RBBP6: variants seen among roughly 807,000 people sequenced by gnomAD.
RBBP6 encodes E3 ubiquitin-protein ligase RBBP6.
In RBBP6, 25 loss-of-function variants were observed where a neutral mutation model predicts 167.7. That is an observed-to-expected ratio of 0.15 (90% CI 0.11 to 0.21). The LOEUF is 0.21. Ranked by LOEUF, RBBP6 falls within the 10% of genes least tolerant of loss-of-function variation. The pLI is 1.00. For missense variants in RBBP6, 1,868 were observed against 2,134.2 expected (o/e 0.88, Z 2.46); for synonymous variants, 789 against 735.8 (o/e 1.07, Z -1.17).
rs1465290430 is a variant in RBBP6 at position 24,563,292 on chromosome 16, G to A, written c.1383G>A (p.Glu461=). ...TTGCAATTACCGCTCTTATGGAAGA[G>A]AAGGTAAATTTTACTGGTGCTTTAA... ...SSIAITALME[E]KGYQVPVLGT... Residue 461 remains glutamate (E), a synonymous_variant, in exon 11 of 18, where the codon GAG becomes GAA. Coordinates refer to ENST00000319715, the MANE Select transcript of RBBP6 (RefSeq NM_006910.5). 6.2e-7 allele frequency: 1 copy of A among 1,607,038 alleles called. No homozygotes were observed. Among genetic ancestry groups the A allele is most frequent in the East Asian group, 2.2e-5 (1 of 44,710 alleles).
In RBBP6 at chr16:24,572,702, T is replaced by C. The variant is rs1305225729; in HGVS notation, c.*257T>C. ...TTTAACCACCATTAATTAGTTGGGG[T>C]GGAGTTTACTGTAATGTGAAATTTT... is the stretch of plus-strand genomic sequence containing the variant. On this transcript the variant is annotated 3_prime_UTR_variant, in exon 18 of 18. Transcript: ENST00000319715. The C allele has an allele frequency of 5.7e-6, 2 of 353,866 alleles. No individual in the cohort carries two copies. The highest frequency in any genetic ancestry group is 4.2e-5 in the African/African-American group (2 of 47,144). The allele number at this position is 353,866 out of a possible 1,614,324, so 21.9% of individuals were successfully genotyped here.
In RBBP6 at chr16:24,540,298, C is replaced by CAAT; in HGVS notation, c.-328_-326dup. ...GACTGACCGCTACTGACTGCACCGC[C>CAAT]AATCCCCCCGTCTCTGCCGGCCCCT... On this transcript the variant is annotated 5_prime_UTR_variant, in exon 1 of 18. Coordinates refer to ENST00000319715, the MANE Select transcript of RBBP6 (RefSeq NM_006910.5). The CAAT allele has an allele frequency of 4.1e-6, 1 of 241,644 alleles. No homozygotes were observed. The highest frequency in any genetic ancestry group is 8.2e-6 in the Non-Finnish European group (1 of 121,734). The allele number at this position is 241,644 out of a possible 1,614,324, so 15.0% of individuals were successfully genotyped here. A position where few individuals can be genotyped will look rare whatever the true frequency, so the allele number is the denominator to read the frequency against.
At chr16:24,541,589 C>T (rs1462015326) in intron 1 of RBBP6, among the ~76,000 whole-genome samples, 1 of 152,110 alleles carries the variant, frequency 6.6e-6, no homozygotes, top group Non-Finnish European at 1.5e-5. Flanking sequence ...AGGCTGCTAC[C>T]ATAGAGTACA....
At position 24,564,683 on chromosome 16, in the gene RBBP6, TAGGAAA is replaced by T. The variant is rs1010871034; in HGVS notation, c.1521-112_1521-107del. 3 of 1,318,808 alleles carry T rather than the reference TAGGAAA, an allele frequency of 2.3e-6. No homozygotes were observed. In the Admixed American group the frequency reaches 9.3e-5, roughly 41 times the overall value. 81.7% of individuals were successfully genotyped at this position (1,318,808 alleles called of 1,614,324 possible). A position where few individuals can be genotyped will look rare whatever the true frequency, so the allele number is the denominator to read the frequency against. On this transcript the variant is annotated intron_variant, in intron 13 of 17. Transcript: ENST00000319715. ...CGAAACAAATTTAAGAACTGGGGAGTAGGAAAAAGTTTTCAGAGTAGTTAAAATTGG... is the reference window on the plus strand; with the variant it reads ...CGAAACAAATTTAAGAACTGGGGAGTAAGTTTTCAGAGTAGTTAAAATTGG...
intron 7 of RBBP6, 131 bp from the exon 8 acceptor site, chr16:24,559,374 A>G: frequency 1.7e-6 from 1 of 593,164 alleles, no homozygotes; most frequent in East Asian, 3.2e-5. Flanking sequence ...TTATTTTAGA[A>G]GATATGGTGC....
rs1434876227 is a variant in RBBP6 at position 24,569,323 on chromosome 16, G to T, written c.2633G>T (p.Gly878Val). 3 of 1,612,982 alleles carry T rather than the reference G, an allele frequency of 1.9e-6. No homozygotes were observed. The Admixed American group carries it at 5.0e-5, about 27-fold the overall frequency. ...LNIRNSPFTR[G>V]RREDYVGGQS... ...ATCAGGAATTCTCCCTTCACAAGAG[G>T]CCGCAGAGAAGACTATGTTGGTGGG... is the stretch of plus-strand genomic sequence containing the variant. The change falls in exon 17 of 18, where the codon GGC becomes GTC. Residue 878 changes from glycine to valine, a missense_variant. Gly to Val is a moderately radical substitution (Grantham distance 109). Coordinates refer to ENST00000319715, the MANE Select transcript of RBBP6 (RefSeq NM_006910.5).
At position 24,571,669 on chromosome 16, in the gene RBBP6, A is replaced by G. The variant is rs1482033615; in HGVS notation, c.4603A>G (p.Ser1535Gly). 1 of 1,613,926 alleles carries G rather than the reference A, an allele frequency of 6.2e-7. No homozygotes were observed. ...AGGAGATTCCAAAAAAAGTAATTCT[A>G]GTCCCTCAAGAGACAGAAAACCTCA... Reference protein sequence around the residue: ...GTGDSKKSNSSPSRDRKPHDH... With the variant: ...GTGDSKKSNSGPSRDRKPHDH... Residue 1535 changes from serine to glycine, a missense_variant, in exon 18 of 18, where the codon AGT becomes GGT. By Grantham distance (56) the Ser-to-Gly change is moderately conservative. Around this residue, in one of 7 missense-constraint regions of RBBP6, gnomAD observed 591 missense variants for 540.5 expected, o/e 1.09. Coordinates refer to ENST00000319715, the MANE Select transcript of RBBP6 (RefSeq NM_006910.5).
intron 10 of RBBP6, among the ~76,000 whole-genome samples, 194 bp from the exon 11 acceptor site, chr16:24,563,005 T>A (rs1899103617): frequency 1.3e-5 from 2 of 152,158 alleles, no homozygotes. Context: ...AGGTCCTTCA[T>A]TTTACTTTTC....
At chr16:24,565,251 A>G (rs756285171) in intron 14 of RBBP6, among the ~76,000 whole-genome samples, 39 of 152,300 alleles carry the variant, frequency 2.6e-4, no homozygotes, top group Non-Finnish European at 4.6e-4. Flanking sequence ...AAGAATTGCA[A>G]CTATTTCTCT....
At chr16:24,553,371 C>A in intron 3 of RBBP6, 142 bp from the exon 4 acceptor site, 1 of 608,408 alleles carries the variant, frequency 1.6e-6, no homozygotes, top group South Asian at 2.6e-5. Flanking sequence ...GTAGGCTGAG[C>A]TACATTTTCA....
At chr16:24,560,108 TTTG>T (rs568120225) in intron 8 of RBBP6, among the ~76,000 whole-genome samples, 26,109 of 139,026 alleles carry the variant, frequency 0.19, 2,443 homozygotes, top group Admixed American at 0.26. Flanking sequence ...GTAGACAGTT[TTTG>T]TTTTTTTTTT....
At position 24,561,955 on chromosome 16, in the gene RBBP6, G is replaced by A. The variant is rs765609362; in HGVS notation, c.1083G>A (p.Pro361=). The A allele has an allele frequency of 3.3e-5, 53 of 1,612,024 alleles. No individual in the cohort carries two copies. The highest frequency in any genetic ancestry group is 8.1e-5 in the African/African-American group (6 of 74,392). Residue 361 remains proline, a synonymous_variant, in exon 10 of 18, where the codon CCG becomes CCA. Transcript: ENST00000319715. The part of the protein sequence containing the change: ...QRNLQPLMRS[P]ISRQQDPLMI... ...ACCTACAACCTCTGATGAGATCTCC[G>A]ATATCAAGACAACAAGATCCTCTTA...
At chr16:24,551,645 G>C (rs888239054) in intron 3 of RBBP6, among the ~76,000 whole-genome samples, 2 of 151,594 alleles carry the variant, frequency 1.3e-5, no homozygotes, top group African/African-American at 4.8e-5. Flanking sequence ...AAACAAAAAG[G>C]ATACTATATC....
chr16:24,562,243 G>A, intron 10 of RBBP6, 82 bp downstream of exon 10: 1 of 1,307,798 alleles, frequency 7.6e-7, no homozygotes. Flanking sequence ...ACTTTTAACA[G>A]CTTTCTTAGT....
At chr16:24,550,371 G>T (rs199515441) in intron 3 of RBBP6, among the ~76,000 whole-genome samples, 199 of 134,152 alleles carry the variant, frequency 1.5e-3, no homozygotes, top group East Asian at 0.014. Flanking sequence ...TTGTTTTTTT[G>T]TTTTTTTTTT....
In RBBP6 at chr16:24,571,868, AGCAAATTACTGG is replaced by A; in HGVS notation, c.4810_4821del (p.Thr1604_Ile1607del). On this transcript the variant is annotated inframe_deletion, in exon 18 of 18. Coordinates refer to ENST00000319715, the MANE Select transcript of RBBP6 (RefSeq NM_006910.5). ...CCACCAGAGACACAGGTTGAAAAAG[AGCAAATTACTGG>A]GCAAATTGACAAGAGTACTGTCAAG... 1 of 1,614,198 alleles carries A rather than the reference AGCAAATTACTGG, an allele frequency of 6.2e-7. No individual in the cohort carries two copies. The highest frequency in any genetic ancestry group is 1.1e-5 in the South Asian group (1 of 91,080).
Position 24,569,707 on chromosome 16 carries a change from A to C in RBBP6, c.3017A>C (p.Lys1006Thr). Residue 1006 changes from lysine (K) to threonine (T), a missense_variant, in exon 17 of 18, where the codon AAG (lysine) becomes ACG (threonine). Around this residue, in one of 7 missense-constraint regions of RBBP6, gnomAD observed 673 missense variants for 691.5 expected, o/e 0.97. Coordinates refer to ENST00000319715, the MANE Select transcript of RBBP6 (RefSeq NM_006910.5). The part of the protein sequence containing the change: ...ITFKSVSEKD[K>T]RERDKPKAKG... The stretch of plus-strand genomic sequence containing the variant: ...TTTAAATCAGTGTCTGAAAAAGACA[A>C]GAGAGAAAGGGATAAACCAAAAGCA... 1 of 1,614,138 alleles carries C rather than the reference A, an allele frequency of 6.2e-7. No homozygotes were observed. Among genetic ancestry groups the C allele is most frequent in the Non-Finnish European group, 8.5e-7 (1 of 1,180,028 alleles).
rs372030723 is a variant in RBBP6 at position 24,544,460 on chromosome 16, A to G, written c.167-1703A>G. Among the ~76,000 whole-genome samples the G allele has an allele frequency of 5.9e-5, 9 of 152,326 alleles. No homozygotes were observed. In the South Asian group the frequency reaches 1.7e-3, roughly 28 times the overall value. Reference sequence around the variant, plus strand: ...GAACAATTTCATTTCTAACAATACTATTAGCATTATGACTAAAAATAATTA... The same window carrying G: ...GAACAATTTCATTTCTAACAATACTGTTAGCATTATGACTAAAAATAATTA... On this transcript the variant is annotated intron_variant, in intron 1 of 17. Transcript: ENST00000319715.
chr16:24,570,724 A>G (rs966667490), intron 17 of RBBP6, 152 bp from the exon 18 acceptor site: 18 of 800,224 alleles, frequency 2.2e-5, no homozygotes, highest in Non-Finnish European at 3.2e-5. Context: ...ATAATCTTAA[A>G]TTGTGTGTCT....
Sources: gnomAD v4.1 joint callset for allele counts (sites outside exome capture counted in the v4.1 genomes callset) on GRCh38, gnomAD v4.1.1 for gene constraint, gnomAD v4.1.1 regional missense constraint, MANE v1.5 for transcripts, NCBI Gene and HGNC (gene_info 2026-07-23, HGNC 2026-07-21) for gene names.